Variants in BNIP5 observed in about 807,000 individuals in gnomAD.
BNIP5 encodes protein BNIP5.
Under a neutral mutation model 67.3 loss-of-function variants are expected in BNIP5, and 61 were observed. The observed-to-expected ratio is 0.91, with a 90% confidence interval of 0.74 to 1.12. The LOEUF is 1.12. Ranked by LOEUF, BNIP5 falls within the 50% of genes most tolerant of loss-of-function variation. The pLI is 0.00. For synonymous variants in BNIP5, 317 were observed against 319.0 expected (o/e 0.99, Z 0.07); for missense variants, 826 against 816.3 (o/e 1.01, Z -0.14).
Position 36,316,164 on chromosome 6 carries a change from C to A in BNIP5, c.*1192G>T, listed in dbSNP as rs1771510149. The A allele has an allele frequency of 5.0e-6, 1 of 201,260 alleles. No homozygotes were observed. Among genetic ancestry groups the A allele is most frequent in the Non-Finnish European group, 9.9e-6 (1 of 100,608 alleles). 12.5% of individuals were successfully genotyped at this position (201,260 alleles called of 1,614,324 possible). On this transcript the variant is annotated 3_prime_UTR_variant, in exon 12 of 12. Coordinates refer to ENST00000437635, the MANE Select transcript of BNIP5 (RefSeq NM_001010903.5). ...CTACCCCATGGTGCGACAGCAGGTT[C>A]AACACGGCAATACCATGTCCCCAAG... is the stretch of plus-strand genomic sequence containing the variant.
At chr6:36,321,007 T>A in intron 10 of BNIP5, 148 bp downstream of exon 10, 1 of 609,094 alleles carries the variant, frequency 1.6e-6, no homozygotes, top group Non-Finnish European at 2.9e-6. Flanking sequence ...AGTAGGTAAT[T>A]CTCTCTCATT....
chr6:36,332,098 G>T (rs191296530), intron 1 of BNIP5, among the ~76,000 whole-genome samples: 4 of 152,008 alleles, frequency 2.6e-5, no homozygotes, highest in Non-Finnish European at 5.9e-5. Flanking sequence ...TCTTTAAAGC[G>T]GCTGTCACAC....
intron 2 of BNIP5, 44 bp from the exon 3 acceptor site, chr6:36,328,758 G>T: frequency 8.8e-7 from 1 of 1,140,962 alleles, no homozygotes; most frequent in Non-Finnish European, 1.3e-6. Context: ...GTGTGTATGT[G>T]CGTGTGTCAG....
At chr6:36,331,795 G>T (rs951921747) in intron 1 of BNIP5, among the ~76,000 whole-genome samples, 1 of 152,118 alleles carries the variant, frequency 6.6e-6, no homozygotes, top group South Asian at 2.1e-4. Context: ...CTCTCAAAGT[G>T]CTGGGATTAC....
At chr6:36,329,539 G>A (rs1771836830) in intron 2 of BNIP5, among the ~76,000 whole-genome samples, 1 of 152,122 alleles carries the variant, frequency 6.6e-6, no homozygotes, top group Non-Finnish European at 1.5e-5. Context: ...GGCCGGGCGT[G>A]GTGGCTCACA....
At chr6:36,326,888 A>G (rs1322798166) in intron 4 of BNIP5, 135 bp from the exon 5 acceptor site, 10 of 1,406,812 alleles carry the variant, frequency 7.1e-6, no homozygotes, top group Non-Finnish European at 7.0e-6. Context: ...GAGCAGGGGG[A>G]GGGCTGAGTT....
At chr6:36,334,249 G>C (rs1459094034) in intron 1 of BNIP5, among the ~76,000 whole-genome samples, 1 of 152,220 alleles carries the variant, frequency 6.6e-6, no homozygotes, top group Admixed American at 6.5e-5. Context: ...AGCCCCCGGG[G>C]AGATGAGAGG....
At chr6:36,323,685 G>T (rs768253535) in intron 7 of BNIP5, 152 bp from the exon 8 acceptor site, 6 of 888,248 alleles carry the variant, frequency 6.8e-6, no homozygotes, top group Admixed American at 2.5e-5. Flanking sequence ...TGGTCTGGAG[G>T]GGGCTGGGGA....
At chr6:36,321,816 T>C (rs1167438515) in intron 9 of BNIP5, among the ~76,000 whole-genome samples, 1 of 152,200 alleles carries the variant, frequency 6.6e-6, no homozygotes, top group Admixed American at 6.5e-5. Flanking sequence ...CCAGTGATTC[T>C]CCTGCCTCAG....
At chr6:36,324,076 G>T in intron 7 of BNIP5, 53 bp downstream of exon 7, 1 of 1,349,436 alleles carries the variant, frequency 7.4e-7, no homozygotes, top group Non-Finnish European at 1.1e-6. Flanking sequence ...ACACCAGGCA[G>T]GGTTGGGGAG....
At chr6:36,332,713 C>T (rs1309907128) in intron 1 of BNIP5, among the ~76,000 whole-genome samples, 2 of 151,904 alleles carry the variant, frequency 1.3e-5, no homozygotes, top group Non-Finnish European at 2.9e-5. Context: ...AAAAAAAAAC[C>T]TTTCCCACCT....
At chr6:36,335,236 GC>G (rs1414167066) in intron 1 of BNIP5, among the ~76,000 whole-genome samples, 1 of 152,132 alleles carries the variant, frequency 6.6e-6, no homozygotes, top group African/African-American at 2.4e-5. Context: ...TGTTCACCTG[GC>G]CGCGTTACTC....
At chr6:36,317,635 C>T (rs1295636279) in intron 11 of BNIP5, among the ~76,000 whole-genome samples, 2 of 152,204 alleles carry the variant, frequency 1.3e-5, no homozygotes, top group Non-Finnish European at 1.5e-5. Context: ...GACCTACTTG[C>T]TTCATGGGCC....
chr6:36,322,699 A>T (rs1771664532), intron 8 of BNIP5, among the ~76,000 whole-genome samples: 1 of 152,172 alleles, frequency 6.6e-6, no homozygotes, highest in South Asian at 2.1e-4. Context: ...AGCAGGGCCC[A>T]CCAAATGAAC....
At chr6:36,332,206 C>T (rs1395510020) in intron 1 of BNIP5, among the ~76,000 whole-genome samples, 9 of 152,182 alleles carry the variant, frequency 5.9e-5, no homozygotes, top group Admixed American at 5.9e-4. Context: ...CCGCCTGCCT[C>T]AGGCCCTTCA....
At chr6:36,326,827 G>A (rs532174625) in intron 4 of BNIP5, 74 bp from the exon 5 acceptor site, 18 of 1,594,988 alleles carry the variant, frequency 1.1e-5, no homozygotes, top group Non-Finnish European at 1.5e-5. Flanking sequence ...GGCAAGTGAA[G>A]AGCAGCCAAG....
intron 1 of BNIP5, among the ~76,000 whole-genome samples, chr6:36,334,517 T>C (rs1183226952): frequency 2.0e-5 from 3 of 152,050 alleles, no homozygotes; most frequent in Non-Finnish European, 4.4e-5. Context: ...CTCCTCCCTC[T>C]CCCCCGCTCC....
At chr6:36,330,722 G>A in intron 1 of BNIP5, 28 bp from the exon 2 acceptor site, 1 of 1,518,780 alleles carries the variant, frequency 6.6e-7, no homozygotes, top group Non-Finnish European at 8.7e-7. Flanking sequence ...AGCTCCCTTA[G>A]TTTTTTTGTT....
chr6:36,335,732 G>A (rs1476194180), intron 1 of BNIP5, among the ~76,000 whole-genome samples: 3 of 152,182 alleles, frequency 2.0e-5, no homozygotes, highest in Non-Finnish European at 4.4e-5. Context: ...TGAATCAGAT[G>A]GGCTAACAGT....
Sources: gnomAD v4.1 joint callset for allele counts (sites outside exome capture counted in the v4.1 genomes callset) on GRCh38, gnomAD v4.1.1 for gene constraint, MANE v1.5 for transcripts, NCBI Gene and HGNC (gene_info 2026-07-23, HGNC 2026-07-21) for gene names.